The following TTC8 variants were observed in gnomAD, a reference collection of about 807,000 sequenced individuals.
TTC8 encodes tetratricopeptide repeat domain 8.
TTC8 carries 47 observed loss-of-function variants against 72.5 expected under a neutral mutation model. The ratio of observed to expected loss-of-function variants is 0.65; its 90% confidence interval spans 0.51 to 0.83. The LOEUF (loss-of-function observed/expected upper bound fraction) is 0.83. TTC8 is among the 40% of genes least tolerant of loss of function. The probability of loss-of-function intolerance (pLI) is 0.00; values close to 1 mark genes in which losing one functional copy is unlikely to be tolerated. For synonymous variants in TTC8, 199 were observed against 221.4 expected, an observed-to-expected ratio of 0.90 and a Z score of 0.90; for missense variants, 611 against 623.2, an observed-to-expected ratio of 0.98 and a Z score of 0.21.
At chr14:88,848,602 G>A (rs2094819567) in intron 7 of TTC8, among the ~76,000 whole-genome samples, 1 of 152,082 alleles carries the variant, frequency 6.6e-6, no homozygotes, top group Non-Finnish European at 1.5e-5. Flanking sequence ...ATAATAAATA[G>A]CATGATGGAA....
chr14:88,831,944 T>A (rs10484010), intron 1 of TTC8, among the ~76,000 whole-genome samples: 29,967 of 152,148 alleles, frequency 0.2, 3,355 homozygotes, highest in East Asian at 0.32. Context: ...GTATAGTATT[T>A]GACACATTGT....
At chr14:88,840,708 C>T (rs2094776088) in intron 3 of TTC8, 157 bp from the exon 4 acceptor site, 2 of 719,130 alleles carry the variant, frequency 2.8e-6, no homozygotes, top group Non-Finnish European at 4.9e-6. Flanking sequence ...GATAGGTACT[C>T]ATTAAATATT....
Position 88,870,231 on chromosome 14 carries a change from T to C in TTC8, c.1049+33T>C, listed in dbSNP as rs369107082. ...TCACATCCAATTCTTAGAACCACTT[T>C]CCTGTGAAATATTGATAAAATAATA... On this transcript the variant is annotated intron_variant, in intron 11 of 14. Coordinates refer to ENST00000380656, the MANE Select transcript of TTC8 (RefSeq NM_144596.4). 8 of 1,606,916 alleles carry C rather than the reference T, an allele frequency of 5.0e-6. No individual in the cohort carries two copies. In the African/African-American group the frequency reaches 6.7e-5, roughly 13 times the overall value.
chr14:88,824,502 T>C (rs2140943387), upstream of TTC8: 1 of 585,378 alleles, frequency 1.7e-6, no homozygotes, highest in Non-Finnish European at 3.1e-6. Flanking sequence ...TAGACATCTT[T>C]TTCCAACCAA....
intron 2 of TTC8, among the ~76,000 whole-genome samples, chr14:88,837,533 T>A (rs2094758512): frequency 6.6e-6 from 1 of 152,216 alleles, no homozygotes. Context: ...AATATGGGAA[T>A]GAACAAGCAG....
chr14:88,864,874 C>T (rs1007681418), intron 10 of TTC8, among the ~76,000 whole-genome samples: 4 of 152,154 alleles, frequency 2.6e-5, no homozygotes, highest in Admixed American at 6.5e-5. Context: ...GTTTTAGCAC[C>T]GCAGCCTGCA....
chr14:88,859,277 C>T (rs2094872317), intron 9 of TTC8, among the ~76,000 whole-genome samples: 1 of 152,066 alleles, frequency 6.6e-6, no homozygotes, highest in Non-Finnish European at 1.5e-5. Flanking sequence ...AAATGCCCAT[C>T]AGTGGTAGAC....
intron 7 of TTC8, among the ~76,000 whole-genome samples, chr14:88,851,450 T>C: frequency 6.6e-6 from 1 of 152,192 alleles, no homozygotes; most frequent in East Asian, 1.9e-4. Flanking sequence ...TTAGAAGACA[T>C]AAAAAATTTT....
intron 8 of TTC8, among the ~76,000 whole-genome samples, chr14:88,854,249 G>A (rs2094846240): frequency 6.6e-6 from 1 of 152,202 alleles, no homozygotes; most frequent in Admixed American, 6.5e-5. Context: ...GCAAAACTCT[G>A]ATTCCTTTTG....
intron 10 of TTC8, 53 bp from the exon 11 acceptor site, chr14:88,870,006 A>AT (rs961214266): frequency 2.4e-5 from 38 of 1,592,194 alleles, no homozygotes; most frequent in Admixed American, 1.0e-4. Context: ...GAAAAAAATA[A>AT]TTTTTTGTCC....
intron 7 of TTC8, chr14:88,846,569 G>A: frequency 2.4e-6 from 3 of 1,238,048 alleles, no homozygotes; most frequent in Non-Finnish European, 3.4e-6. Context: ...CCATTTGTAG[G>A]TCATGGTGAC....
intron 7 of TTC8, among the ~76,000 whole-genome samples, chr14:88,848,270 A>G (rs1267903044): frequency 6.6e-6 from 1 of 152,106 alleles, no homozygotes; most frequent in Non-Finnish European, 1.5e-5. Context: ...AATAACAACA[A>G]AAATATAAAA....
At position 88,874,967 on chromosome 14, in the gene TTC8, A is replaced by G. The variant is rs1369475246; in HGVS notation, c.1348-59A>G. 8 of 1,335,000 alleles carry G rather than the reference A, an allele frequency of 6.0e-6. No individual in the cohort carries two copies. The African/African-American group carries it at 7.3e-5, about 12-fold the overall frequency. 82.7% of individuals were successfully genotyped at this position (1,335,000 alleles called of 1,614,324 possible). On this transcript the variant is annotated intron_variant, in intron 13 of 14. Coordinates refer to ENST00000380656, the MANE Select transcript of TTC8 (RefSeq NM_144596.4). ...CTTTTACCAAAAAAAAAACACAAAT[A>G]TGGTGCTGATATATGTTCATACGCC...
Position 88,871,026 on chromosome 14 carries a change from T to C in TTC8, c.1050-523T>C, listed in dbSNP as rs912906127. ...GGCTCTTGAGCTGCAGTGTGAGAGCTAAGTGGATAATGTAAGGATCCGCTG... is the reference window on the plus strand; with the variant it reads ...GGCTCTTGAGCTGCAGTGTGAGAGCCAAGTGGATAATGTAAGGATCCGCTG... On this transcript the variant is annotated intron_variant, in intron 11 of 14. Transcript: ENST00000380656. The surrounding 1 kb of genome is among the most constrained non-coding windows in gnomAD (Gnocchi z 4.1). Among the ~76,000 whole-genome samples, 5 of 152,204 alleles carry C rather than the reference T, an allele frequency of 3.3e-5. No individual in the cohort carries two copies. The East Asian group carries it at 9.6e-4, about 29-fold the overall frequency.
intron 10 of TTC8, among the ~76,000 whole-genome samples, chr14:88,862,275 G>A (rs2094889319): frequency 6.6e-6 from 1 of 151,680 alleles, no homozygotes; most frequent in Admixed American, 6.6e-5. Flanking sequence ...TTGGCCATTT[G>A]TATGTCTTCT....
At chr14:88,856,122 C>T (rs2094854941) in intron 8 of TTC8, among the ~76,000 whole-genome samples, 1 of 152,144 alleles carries the variant, frequency 6.6e-6, no homozygotes, top group Non-Finnish European at 1.5e-5. Context: ...ATGTTGTGTA[C>T]ATATATATGT....
intron 10 of TTC8, among the ~76,000 whole-genome samples, chr14:88,863,487 G>T (rs1040042547): frequency 1.3e-5 from 2 of 152,170 alleles, no homozygotes; most frequent in African/African-American, 4.8e-5. Context: ...TGTATCCATG[G>T]TTACTATTGG....
intron 1 of TTC8, 54 bp from the exon 2 acceptor site, chr14:88,833,639 A>G (rs2140961892): frequency 1.3e-6 from 2 of 1,565,530 alleles, no homozygotes; most frequent in East Asian, 2.2e-5. Context: ...AGGACTTTTT[A>G]TTTTAGAAAC....
chr14:88,853,499 T>G (rs560174825), intron 8 of TTC8, among the ~76,000 whole-genome samples: 1 of 152,216 alleles, frequency 6.6e-6, no homozygotes, highest in African/African-American at 2.4e-5. Context: ...ACCATTTCAC[T>G]TAAGTCTCAC....
Sources: allele counts gnomAD v4.1 joint callset (sites outside exome capture counted in the v4.1 genomes callset), GRCh38; gene constraint gnomAD v4.1.1; non-coding constraint Gnocchi (gnomAD v3.1); transcripts MANE v1.5; gene names NCBI Gene and HGNC (gene_info 2026-07-23, HGNC 2026-07-21).